Variants in PCDHA11 observed in about 807,000 individuals in gnomAD.
The protein encoded by PCDHA11 is protocadherin alpha-11.
PCDHA11 carries 61 observed loss-of-function variants against 70.3 expected under a neutral mutation model. That is an observed-to-expected ratio of 0.87 (90% CI 0.71 to 1.07). PCDHA11 has a LOEUF of 1.07. Ranked by LOEUF, PCDHA11 falls within the 50% of genes least tolerant of loss-of-function variation. The probability of loss-of-function intolerance (pLI) is 0.00; values close to 1 mark genes in which losing one functional copy is unlikely to be tolerated. For missense variants in PCDHA11, 1,324 were observed against 1,237.5 expected (o/e 1.07, Z -1.05); for synonymous variants, 633 against 555.1 (o/e 1.14, Z -1.97).
intron 1 of PCDHA11, among the ~76,000 whole-genome samples, chr5:140,954,107 C>G (rs1375819333): frequency 2.0e-5 from 3 of 152,182 alleles, no homozygotes; most frequent in Admixed American, 1.3e-4. Flanking sequence ...CTGCAAAGGA[C>G]AAGATCTTGT....
At position 140,982,439 on chromosome 5, in the gene PCDHA11, G is replaced by A. The variant is rs553328430; in HGVS notation, c.2451-36G>A. The A allele has an allele frequency of 6.8e-5, 109 of 1,613,560 alleles. 3 individuals carry two copies. In the South Asian group the frequency reaches 1.0e-3, roughly 15 times the overall value. On this transcript the variant is annotated intron_variant, in intron 2 of 3. Transcript: ENST00000398640. ...GAAGAAGAGATGGGAAAGAATTTAT[G>A]ATCTAACCGTTATCTGGGTCTGTGT... is the stretch of plus-strand genomic sequence containing the variant.
chr5:140,919,601 A>G (rs1465882979), intron 1 of PCDHA11, among the ~76,000 whole-genome samples: 1 of 152,178 alleles, frequency 6.6e-6, no homozygotes, highest in Non-Finnish European at 1.5e-5. Context: ...TTTAAAATAA[A>G]TTTTAAACTG....
intron 1 of PCDHA11, among the ~76,000 whole-genome samples, chr5:140,959,265 T>C (rs1341807372): frequency 1.3e-5 from 2 of 152,076 alleles, no homozygotes; most frequent in African/African-American, 2.4e-5. Context: ...TAGTCCCAGC[T>C]ACCCAGGAGC....
At chr5:140,887,704 C>A (rs1554183178) in intron 1 of PCDHA11, among the ~76,000 whole-genome samples, 1 of 152,104 alleles carries the variant, frequency 6.6e-6, no homozygotes, top group East Asian at 1.9e-4. Context: ...ATCAACCATA[C>A]TTCTTCTAAT....
At chr5:140,889,479 T>C (rs1399086830) in intron 1 of PCDHA11, among the ~76,000 whole-genome samples, 1 of 152,184 alleles carries the variant, frequency 6.6e-6, no homozygotes, top group Admixed American at 6.5e-5. Context: ...GCTCATACTT[T>C]CTACAGAATC....
Position 140,928,034 on chromosome 5 carries a change from G to T in PCDHA11, c.2392-50915G>T. 3 of 1,614,206 alleles carry T rather than the reference G, an allele frequency of 1.9e-6. No homozygotes were observed. Among genetic ancestry groups the T allele is most frequent in the Non-Finnish European group, 2.5e-6 (3 of 1,180,036 alleles). Reference sequence around the variant, plus strand: ...GGTAGGGTCATTTGTGGCATGTCTAGTGCAGGCCCTTTTCAGCTGACGGCT... The same window carrying T: ...GGTAGGGTCATTTGTGGCATGTCTATTGCAGGCCCTTTTCAGCTGACGGCT... On this transcript the variant is annotated intron_variant, in intron 1 of 3. Transcript: ENST00000398640.
At position 141,010,124 on chromosome 5, in the gene PCDHA11, G is replaced by C. The variant is rs1161168842; in HGVS notation, c.*187G>C. 1.2e-6 allele frequency: 2 copies of C among 1,605,172 alleles called. No homozygotes were observed. The highest frequency in any genetic ancestry group is 1.1e-5 in the South Asian group (1 of 90,170). On this transcript the variant is annotated 3_prime_UTR_variant, in exon 4 of 4. Coordinates refer to ENST00000398640, the MANE Select transcript of PCDHA11 (RefSeq NM_018902.5). ...GGTTTTGTCGTAAAAGCTTTACTAA[G>C]TCTGGTGTTAACTCTTTCTCTCCAC...
chr5:140,924,910 AT>A (rs1554202346), intron 1 of PCDHA11, among the ~76,000 whole-genome samples: 33 of 63,422 alleles, frequency 5.2e-4, no homozygotes, highest in African/African-American at 1.8e-3. Context: ...AAAAAATAAA[AT>A]AAAATAAAAT....
chr5:140,898,808 C>T (rs1318586303), intron 1 of PCDHA11, among the ~76,000 whole-genome samples: 2 of 152,188 alleles, frequency 1.3e-5, no homozygotes, highest in Non-Finnish European at 2.9e-5. Context: ...GATACTGATT[C>T]TTCCTACCCA....
intron 1 of PCDHA11, among the ~76,000 whole-genome samples, chr5:140,916,270 G>A (rs1487301756): frequency 1.3e-5 from 2 of 152,180 alleles, no homozygotes; most frequent in Admixed American, 1.3e-4. Flanking sequence ...GAGCATGCTT[G>A]TTGCTCTACT....
At chr5:140,978,566 T>G (rs1554239422) in intron 1 of PCDHA11, among the ~76,000 whole-genome samples, 1 of 152,204 alleles carries the variant, frequency 6.6e-6, no homozygotes, top group East Asian at 1.9e-4. Flanking sequence ...ATAGCTGTAA[T>G]ACTGAATTGG....
At chr5:140,886,405 GT>G (rs2060969795) in intron 1 of PCDHA11, among the ~76,000 whole-genome samples, 1 of 151,966 alleles carries the variant, frequency 6.6e-6, no homozygotes, top group Admixed American at 6.6e-5. Context: ...TCACAAATAT[GT>G]TTTCCTCCTA....
At chr5:140,881,070 T>C (rs1461614506) in intron 1 of PCDHA11, among the ~76,000 whole-genome samples, 6 of 152,208 alleles carry the variant, frequency 3.9e-5, no homozygotes, top group Non-Finnish European at 8.8e-5. Flanking sequence ...CAGATAATTA[T>C]TGGAGCTATG....
intron 3 of PCDHA11, among the ~76,000 whole-genome samples, chr5:141,000,386 T>A (rs1394092081): frequency 5.6e-4 from 37 of 66,542 alleles, no homozygotes; most frequent in African/African-American, 2.4e-3. Flanking sequence ...TCTCTCTCTC[T>A]CTCTCTCTCT....
rs1554162906 is a variant in PCDHA11 at position 140,869,330 on chromosome 5, A to G, written c.227A>G (p.Glu76Gly). The change falls in exon 1 of 4, where the codon GAG becomes GGG. Residue 76 changes from glutamate to glycine, a missense_variant. Glu to Gly is a moderately conservative substitution (Grantham distance 98). Coordinates refer to ENST00000398640, the MANE Select transcript of PCDHA11 (RefSeq NM_018902.5). Reference sequence around the variant, plus strand: ...TCCAAAACACATGGGGACCTTCTGGAGGTAAATCTGCAGAATGGCATTTTG... The same window carrying G: ...TCCAAAACACATGGGGACCTTCTGGGGGTAAATCTGCAGAATGGCATTTTG... ...VASKTHGDLL[E>G]VNLQNGILFV... 1.5e-5 allele frequency: 25 copies of G among 1,613,778 alleles called. No individual in the cohort carries two copies. The highest frequency in any genetic ancestry group is 2.0e-5 in the Non-Finnish European group (24 of 1,180,020).
rs62622798 is a variant in PCDHA11, at chr5:140,870,299, C to T, written c.1196C>T (p.Thr399Ile). 44,120 of 1,614,102 alleles carry T rather than the reference C, an allele frequency of 0.027. 770 individuals carry two copies. The highest frequency in any genetic ancestry group is 0.064 in the Admixed American group (3,848 of 60,030). Residue 399 changes from threonine (T) to isoleucine (I), a missense_variant, in exon 1 of 4, where the codon ACC (threonine) becomes ATC (isoleucine). Physicochemically the swap from Thr to Ile is moderately conservative, Grantham distance 89. Transcript: ENST00000398640. The part of the protein sequence containing the change: ...TPHVPFKLVS[T>I]FKNYYSLVLD... ...CACGTTCCCTTCAAGCTGGTGTCCA[C>T]CTTCAAGAATTACTACTCGTTGGTG...
intron 1 of PCDHA11, chr5:140,969,442 T>C (rs1554231813): frequency 1.3e-6 from 2 of 1,543,712 alleles, no homozygotes; most frequent in Admixed American, 4.0e-5. Flanking sequence ...AGTTATCTGG[T>C]AAACTGAGTA....
intron 1 of PCDHA11, among the ~76,000 whole-genome samples, chr5:140,890,753 C>A (rs1274674281): frequency 3.3e-5 from 5 of 152,114 alleles, no homozygotes; most frequent in Admixed American, 2.6e-4. Flanking sequence ...TTCTGTCATG[C>A]TTTAAAAATA....
chr5:140,875,765 G>T (rs1554167926), intron 1 of PCDHA11: 2 of 1,614,252 alleles, frequency 1.2e-6, no homozygotes, highest in Middle Eastern at 1.6e-4. Context: ...CTGTGCGGGC[G>T]GAGCGCGGAG....
Sources: allele counts gnomAD v4.1 joint callset (sites outside exome capture counted in the v4.1 genomes callset), GRCh38; gene constraint gnomAD v4.1.1; transcripts MANE v1.5; gene names NCBI Gene and HGNC (gene_info 2026-07-23, HGNC 2026-07-21).